The following CHST12 variants were observed in gnomAD, a reference collection of about 807,000 sequenced individuals.
CHST12 encodes carbohydrate (chondroitin 4) sulfotransferase 12.
Under a neutral mutation model 27.9 loss-of-function variants are expected in CHST12, and 23 were observed. The ratio of observed to expected loss-of-function variants is 0.82; its 90% CI spans 0.59 to 1.17. CHST12 has a LOEUF of 1.17. CHST12 is among the 50% of genes most tolerant of loss of function. CHST12 has a pLI of 0.00. For synonymous variants in CHST12, 322 were observed against 273.0 expected, an observed-to-expected ratio of 1.18 and a Z score of -1.77; for missense variants, 682 against 603.0, an observed-to-expected ratio of 1.13 and a Z score of -1.37.
intron 1 of CHST12, among the ~76,000 whole-genome samples, chr7:2,415,856 C>T (rs576131879): frequency 2.6e-5 from 4 of 152,196 alleles, no homozygotes; most frequent in African/African-American, 4.8e-5. Context: ...CCTTGTGATC[C>T]GCGCACCTCA....
At chr7:2,418,446 G>A (rs181004662) in intron 1 of CHST12, among the ~76,000 whole-genome samples, 26 of 152,360 alleles carry the variant, frequency 1.7e-4, no homozygotes, top group Admixed American at 1.6e-3. Flanking sequence ...GCCCACGGTT[G>A]GTGTGCCGCA....
At chr7:2,423,463 C>T (rs1380280361) in intron 1 of CHST12, among the ~76,000 whole-genome samples, 1 of 152,114 alleles carries the variant, frequency 6.6e-6, no homozygotes, top group Admixed American at 6.6e-5. Context: ...GAGACAGCAG[C>T]AGGCCCTCTG....
At position 2,440,159 on chromosome 7, in the gene CHST12, A is replaced by G. The variant is rs1025885870; in HGVS notation, c.*6275A>G. The G allele has an allele frequency of 1.9e-5, 3 of 154,008 alleles. No individual in the cohort carries two copies. Among genetic ancestry groups the G allele is most frequent in the Non-Finnish European group, 4.4e-5 (3 of 68,068 alleles). 9.5% of individuals were successfully genotyped at this position (154,008 alleles called of 1,614,324 possible). ...CGCAGGCATGCCTGAAATGACTCCC[A>G]TGGCTGTCATGGTGCCATCTGGAGA... On this transcript the variant is annotated 3_prime_UTR_variant, in exon 2 of 2. Coordinates refer to ENST00000618655, the MANE Select transcript of CHST12 (RefSeq NM_018641.5).
Position 2,440,183 on chromosome 7 carries a change from G to C in CHST12, c.*6299G>C, listed in dbSNP as rs945466525. ...CATGGCTGTCATGGTGCCATCTGGA[G>C]AGCATTTGCTCACTGTAATGGTCCC... On this transcript the variant is annotated 3_prime_UTR_variant, in exon 2 of 2. Transcript: ENST00000618655. 1.3e-5 allele frequency: 2 copies of C among 154,166 alleles called. No individual in the cohort carries two copies. The highest frequency in any genetic ancestry group is 4.8e-5 in the African/African-American group (2 of 41,518). The allele number at this position is 154,166 out of a possible 1,614,324, so 9.5% of individuals were successfully genotyped here. A position where few individuals can be genotyped will look rare whatever the true frequency, so the allele number is the denominator to read the frequency against.
chr7:2,417,305 A>T (rs1583213501), intron 1 of CHST12, among the ~76,000 whole-genome samples: 1 of 149,914 alleles, frequency 6.7e-6, no homozygotes, highest in Admixed American at 6.7e-5. Flanking sequence ...GCTCACTGCA[A>T]CCTCTGCTTC....
chr7:2,425,240 TA>T (rs1056470563), intron 1 of CHST12, among the ~76,000 whole-genome samples: 1 of 107,130 alleles, frequency 9.3e-6, no homozygotes, highest in African/African-American at 3.7e-5. Context: ...AAAAAAAACG[TA>T]AAAAAACAAA....
chr7:2,417,755 G>A (rs931509436), intron 1 of CHST12, among the ~76,000 whole-genome samples: 37 of 151,944 alleles, frequency 2.4e-4, no homozygotes, highest in Admixed American at 1.4e-3. Context: ...ATACTGGGAG[G>A]GCATCCGATA....
In CHST12 at chr7:2,440,628, G is replaced by A. The variant is rs1178387769; in HGVS notation, c.*6744G>A. 2 of 152,202 alleles carry A rather than the reference G, an allele frequency of 1.3e-5. No individual in the cohort carries two copies. Among genetic ancestry groups the A allele is most frequent in the East Asian group, 1.9e-4 (1 of 5,194 alleles). The allele number at this position is 152,202 out of a possible 1,614,324, so 9.4% of individuals were successfully genotyped here. A position where few individuals can be genotyped will look rare whatever the true frequency, so the allele number is the denominator to read the frequency against. On this transcript the variant is annotated 3_prime_UTR_variant, in exon 2 of 2. Coordinates refer to ENST00000618655, the MANE Select transcript of CHST12 (RefSeq NM_018641.5). The stretch of plus-strand genomic sequence containing the variant: ...GCCAGCCCGAGGTACCCACAGTGGA[G>A]GGTCTACAGGCTGATTTGGGAGGTG...
At position 2,434,685 on chromosome 7, in the gene CHST12, T is replaced by G. The variant is rs1782429901; in HGVS notation, c.*801T>G. Reference sequence around the variant, plus strand: ...GGAGTTCTGAGATGGAAAGATTGCTTGAACCCAGGAGGCAGAGGCTGCAGT... The same window carrying G: ...GGAGTTCTGAGATGGAAAGATTGCTGGAACCCAGGAGGCAGAGGCTGCAGT... On this transcript the variant is annotated 3_prime_UTR_variant, in exon 2 of 2. Transcript: ENST00000618655. 1 of 147,162 alleles carries G rather than the reference T, an allele frequency of 6.8e-6. No individual in the cohort carries two copies. The highest frequency in any genetic ancestry group is 1.5e-5 in the Non-Finnish European group (1 of 67,746). The allele number at this position is 147,162 out of a possible 1,614,324, so 9.1% of individuals were successfully genotyped here.
intron 1 of CHST12, among the ~76,000 whole-genome samples, chr7:2,410,770 G>C (rs1781644280): frequency 6.6e-6 from 1 of 152,134 alleles, no homozygotes; most frequent in African/African-American, 2.4e-5. Context: ...GACTGTTGAG[G>C]CTGGAGAGGG....
At chr7:2,425,013 C>T (rs893125481) in intron 1 of CHST12, among the ~76,000 whole-genome samples, 1 of 152,072 alleles carries the variant, frequency 6.6e-6, no homozygotes, top group Non-Finnish European at 1.5e-5. Context: ...CAAGACCAGC[C>T]TGGCCAACAG....
Position 2,435,614 on chromosome 7 carries a change from T to A in CHST12, c.*1730T>A, listed in dbSNP as rs910824707. ...GACCTGTCTTCCTCGTGTGTGGTAT[T>A]TGTCACCACTGCCCAGTCCCTGGTT... On this transcript the variant is annotated 3_prime_UTR_variant, in exon 2 of 2. Coordinates refer to ENST00000618655, the MANE Select transcript of CHST12 (RefSeq NM_018641.5). 6.6e-6 allele frequency: 1 copy of A among 152,280 alleles called. No individual in the cohort carries two copies. Among genetic ancestry groups the A allele is most frequent in the African/African-American group, 2.4e-5 (1 of 41,450 alleles). 9.4% of individuals were successfully genotyped at this position (152,280 alleles called of 1,614,324 possible).
Position 2,409,306 on chromosome 7 carries a change from G to T in CHST12, c.-78+5633G>T, listed in dbSNP as rs192911880. Among the ~76,000 whole-genome samples the T allele has an allele frequency of 3.1e-3, 466 of 152,230 alleles. 1 individual carries two copies. Among genetic ancestry groups the T allele is most frequent in the African/African-American group, 0.011 (440 of 41,530 alleles). ...TTCACTCTGAAGGCAGACATTAAAA[G>T]AATTAGCTAAAAAGAATTATGGAGC... On this transcript the variant is annotated intron_variant, in intron 1 of 1. Coordinates refer to ENST00000618655, the MANE Select transcript of CHST12 (RefSeq NM_018641.5).
intron 1 of CHST12, among the ~76,000 whole-genome samples, chr7:2,417,458 T>G (rs1453669849): frequency 6.6e-6 from 1 of 150,512 alleles, no homozygotes; most frequent in African/African-American, 2.4e-5. Context: ...GGTGTGATCT[T>G]AGCTCACTGC....
chr7:2,413,358 CA>C (rs1316345757), intron 1 of CHST12, among the ~76,000 whole-genome samples: 1 of 152,204 alleles, frequency 6.6e-6, no homozygotes, highest in African/African-American at 2.4e-5. Flanking sequence ...CATAAAACCA[CA>C]AACATTTTCT....
rs749755603 is a variant in CHST12 at position 2,432,806 on chromosome 7, G to T, written c.167G>T (p.Arg56Met). The change falls in exon 2 of 2, where the codon AGG becomes ATG. Residue 56 changes from arginine to methionine, a missense_variant. Arg to Met is a moderately conservative substitution (Grantham distance 91, BLOSUM62 -1). Coordinates refer to ENST00000618655, the MANE Select transcript of CHST12 (RefSeq NM_018641.5). Reference protein sequence around the residue: ...GPPLPTPGPDRDRELTADSDV... With the variant: ...GPPLPTPGPDMDRELTADSDV... ...CCGCTGCCCACGCCCGGGCCGGACAGGGACAGGGAGCTCACGGCCGACTCC... is the reference window on the plus strand; with the variant it reads ...CCGCTGCCCACGCCCGGGCCGGACATGGACAGGGAGCTCACGGCCGACTCC... 6.2e-7 allele frequency: 1 copy of T among 1,613,814 alleles called. No homozygotes were observed. The highest frequency in any genetic ancestry group is 1.1e-5 in the South Asian group (1 of 91,072).
intron 1 of CHST12, among the ~76,000 whole-genome samples, chr7:2,429,320 C>T (rs980423271): frequency 1.3e-5 from 2 of 152,186 alleles, no homozygotes. Flanking sequence ...AGGTGTTCCT[C>T]CTGCCTCAGC....
Position 2,443,754 on chromosome 7 carries a change from G to A in CHST12, c.*9870G>A, listed in dbSNP as rs959854022. On this transcript the variant is annotated 3_prime_UTR_variant, in exon 2 of 2. Coordinates refer to ENST00000618655, the MANE Select transcript of CHST12 (RefSeq NM_018641.5). Reference sequence around the variant, plus strand: ...TCTCTGGCGGACAGTCAGGTATGCTGAGGGAGACACTGTTCTCAAACTCCA... The same window carrying A: ...TCTCTGGCGGACAGTCAGGTATGCTAAGGGAGACACTGTTCTCAAACTCCA... 5.3e-5 allele frequency: 8 copies of A among 152,324 alleles called. No homozygotes were observed. Among genetic ancestry groups the A allele is most frequent in the African/African-American group, 1.9e-4 (8 of 41,568 alleles). 9.4% of individuals were successfully genotyped at this position (152,324 alleles called of 1,614,324 possible).
chr7:2,433,638 G>T lies in CHST12; in HGVS notation c.999G>T (p.Gln333His), dbSNP rs750031636. The T allele has an allele frequency of 1.1e-5, 17 of 1,613,808 alleles. No homozygotes were observed. In the East Asian group the frequency reaches 3.6e-4, roughly 34 times the overall value. The change falls in exon 2 of 2, where the codon CAG (glutamine) becomes CAT (histidine). Residue 333 changes from glutamine (Q) to histidine (H), a missense_variant. Transcript: ENST00000618655. The surrounding 1 kb of genome is among the most constrained non-coding windows in gnomAD (Gnocchi z 6.1). ...TGTACCGCCTCTGCCACCCGTGCCA[G>T]ATCGACTACGACTTCGTGGGGAAGC... ...RQVYRLCHPC[Q>H]IDYDFVGKLE... is the part of the protein sequence containing the mutation.
Sources: gnomAD v4.1 joint callset for allele counts (sites outside exome capture counted in the v4.1 genomes callset) on GRCh38, gnomAD v4.1.1 for gene constraint, Gnocchi (gnomAD v3.1) non-coding constraint, MANE v1.5 for transcripts, NCBI Gene and HGNC (gene_info 2026-07-23, HGNC 2026-07-21) for gene names.